PCBP3: variants seen among roughly 807,000 people sequenced by gnomAD.
PCBP3 encodes the protein poly(rC)-binding protein 3.
Under a neutral mutation model 52.7 loss-of-function variants are expected in PCBP3, and 25 were observed. That is an observed-to-expected ratio of 0.47 (90% CI 0.35 to 0.66). PCBP3 has a LOEUF of 0.66. Among genes scored for constraint, PCBP3 ranks in the 30% least tolerant of loss-of-function variants. The pLI is 0.01. For missense variants in PCBP3, 391 were observed against 490.3 expected (o/e 0.80, Z 1.91); for synonymous variants, 162 against 183.0 (o/e 0.89, Z 0.93).
chr21:45,836,027 A>C (rs1269219613), intron 4 of PCBP3, among the ~76,000 whole-genome samples: 2 of 152,140 alleles, frequency 1.3e-5, no homozygotes, highest in Non-Finnish European at 2.9e-5. Context: ...GTCCTTGATC[A>C]CCAGAGGGGC....
In PCBP3 at chr21:45,837,742, T is replaced by C. The variant is rs1336171257; in HGVS notation, c.-125-12219T>C. 1.3e-5 allele frequency among the ~76,000 whole-genome samples: 2 copies of C among 152,222 alleles called. No individual in the cohort carries two copies. The highest frequency in any genetic ancestry group is 2.4e-5 in the African/African-American group (1 of 41,464). ...GAGCTTCCTAGGTGGCACTGCACGT[T>C]GCACCGCATGGCATGATGAGGCGTG... On this transcript the variant is annotated intron_variant, in intron 4 of 17. Transcript: ENST00000681687. The surrounding 1 kb of genome is among the most constrained non-coding windows in gnomAD (Gnocchi z 4.1).
At position 45,851,175 on chromosome 21, in the gene PCBP3, GA is replaced by G. The variant is rs200294970; in HGVS notation, c.10+1083del. Among the ~76,000 whole-genome samples the G allele has an allele frequency of 8.8e-3, 1,348 of 152,334 alleles. 16 individuals are homozygous for G. Among genetic ancestry groups the G allele is most frequent in the African/African-American group, 0.03 (1,267 of 41,578 alleles). On this transcript the variant is annotated intron_variant, in intron 5 of 17. Transcript: ENST00000681687. Reference sequence around the variant, plus strand: ...AGAAAAACAGAAAATTCACAGCCCTGAAAGCTGTTTTGTGTTTTAGAGTCAA... The same window carrying G: ...AGAAAAACAGAAAATTCACAGCCCTGAAGCTGTTTTGTGTTTTAGAGTCAA...
At chr21:45,765,178 G>T (rs945717926) in intron 4 of PCBP3, among the ~76,000 whole-genome samples, 1 of 152,184 alleles carries the variant, frequency 6.6e-6, no homozygotes, top group Non-Finnish European at 1.5e-5. Flanking sequence ...AGACAGAGAG[G>T]CATGAGCAGA....
intron 9 of PCBP3, among the ~76,000 whole-genome samples, chr21:45,908,365 C>T (rs949777154): frequency 6.6e-6 from 1 of 152,210 alleles, no homozygotes; most frequent in Non-Finnish European, 1.5e-5. Flanking sequence ...CCAGAAAGAA[C>T]GCTCTGTGTG....
At chr21:45,818,647 G>C (rs1463300438) in intron 4 of PCBP3, among the ~76,000 whole-genome samples, 1 of 152,232 alleles carries the variant, frequency 6.6e-6, no homozygotes, top group Non-Finnish European at 1.5e-5. Flanking sequence ...AGATCTATTA[G>C]TCATGCTCCT....
At chr21:45,733,091 T>G (rs1027743411) in intron 2 of PCBP3, among the ~76,000 whole-genome samples, 1 of 152,240 alleles carries the variant, frequency 6.6e-6, no homozygotes, top group African/African-American at 2.4e-5. Context: ...GTCTGTACAT[T>G]GACTGATCTT....
chr21:45,864,606 T>A (rs537475270), intron 5 of PCBP3, among the ~76,000 whole-genome samples: 3 of 152,258 alleles, frequency 2.0e-5, no homozygotes, highest in South Asian at 4.1e-4. Context: ...GTTTGCAGTG[T>A]CTGTGTGGTG....
intron 4 of PCBP3, among the ~76,000 whole-genome samples, chr21:45,844,886 C>A (rs149098495): frequency 5.4e-4 from 80 of 148,980 alleles, no homozygotes; most frequent in South Asian, 2.1e-3. Context: ...AGTTTATATA[C>A]GTATATAAAG....
rs1355167751 is a variant in PCBP3 at position 45,788,149 on chromosome 21, T to A, written c.-126+32697T>A. ...TGACCATTTCTGGAGGATGCAGTAC[T>A]GAATTCAAGTAACAAGGTGTCCTGT... On this transcript the variant is annotated intron_variant, in intron 4 of 17. Transcript: ENST00000681687. The surrounding 1 kb of genome is among the most constrained non-coding windows in gnomAD (Gnocchi z 4.3). The A allele has an allele frequency of 6.6e-6, 1 of 152,306 alleles. No homozygotes were observed. The highest frequency in any genetic ancestry group is 1.5e-5 in the Non-Finnish European group (1 of 68,126). 9.4% of individuals were successfully genotyped at this position (152,306 alleles called of 1,614,324 possible).
At chr21:45,923,728 C>A (rs2074824218) in intron 13 of PCBP3, among the ~76,000 whole-genome samples, 1 of 152,234 alleles carries the variant, frequency 6.6e-6, no homozygotes, top group East Asian at 1.9e-4. Flanking sequence ...AAACCATCAA[C>A]AATTCCCAAA....
chr21:45,663,576 A>C (rs879451499), intron 1 of PCBP3, among the ~76,000 whole-genome samples: 26 of 152,146 alleles, frequency 1.7e-4, no homozygotes, highest in Non-Finnish European at 2.9e-5. Context: ...GTGAGAGATA[A>C]GGGTCTAGTT....
intron 2 of PCBP3, among the ~76,000 whole-genome samples, chr21:45,696,079 C>CAAAA (rs71185164): frequency 1.5e-4 from 6 of 39,626 alleles, no homozygotes; most frequent in African/African-American, 1.9e-4. Context: ...GACTCTGTCT[C>CAAAA]AAAAAAAAAA....
chr21:45,855,531 A>C (rs1011486186), intron 5 of PCBP3, among the ~76,000 whole-genome samples: 35 of 152,248 alleles, frequency 2.3e-4, no homozygotes, highest in Non-Finnish European at 4.4e-4. Context: ...TGGGAACCAC[A>C]TACAGAGCCC....
intron 15 of PCBP3, among the ~76,000 whole-genome samples, chr21:45,931,411 A>G (rs549054883): frequency 4.6e-5 from 7 of 152,330 alleles, no homozygotes; most frequent in African/African-American, 7.2e-5. Context: ...GGTGTCCTGT[A>G]ATGACCCTCC....
At position 45,788,464 on chromosome 21, in the gene PCBP3, G is replaced by C. The variant is rs1215562305; in HGVS notation, c.-126+33012G>C. 1.3e-5 allele frequency: 2 copies of C among 154,342 alleles called. No individual in the cohort carries two copies. Among genetic ancestry groups the C allele is most frequent in the African/African-American group, 4.8e-5 (2 of 41,484 alleles). 9.6% of individuals were successfully genotyped at this position (154,342 alleles called of 1,614,324 possible). A position where few individuals can be genotyped will look rare whatever the true frequency, so the allele number is the denominator to read the frequency against. On this transcript the variant is annotated intron_variant, in intron 4 of 17. Coordinates refer to ENST00000681687, the MANE Select transcript of PCBP3 (RefSeq NM_001384156.1). This position sits in a 1 kb window ranked among gnomAD's most constrained non-coding sequence, Gnocchi z 4.3. ...GCTCACCTGTGACCCTGCCTGCCCT[G>C]CCCAGCTTCGCCCCCATGTCTGCCT...
At chr21:45,753,988 CG>C (rs1313956297) in intron 3 of PCBP3, among the ~76,000 whole-genome samples, 1 of 152,154 alleles carries the variant, frequency 6.6e-6, no homozygotes, top group Non-Finnish European at 1.5e-5. Flanking sequence ...TAAAATGCAT[CG>C]TGGTGAGAAT....
chr21:45,728,202 G>C (rs994583140), intron 2 of PCBP3, among the ~76,000 whole-genome samples: 1 of 152,166 alleles, frequency 6.6e-6, no homozygotes, highest in African/African-American at 2.4e-5. Flanking sequence ...TTTCACCCTT[G>C]TGTATACTGC....
chr21:45,937,860 G>T (rs1311136405), intron 16 of PCBP3, among the ~76,000 whole-genome samples: 1 of 152,234 alleles, frequency 6.6e-6, no homozygotes. Context: ...CAGTATAGAA[G>T]TCACAGTGCT....
intron 11 of PCBP3, among the ~76,000 whole-genome samples, chr21:45,913,692 C>G (rs961911950): frequency 8.5e-5 from 13 of 152,186 alleles, no homozygotes; most frequent in Admixed American, 1.3e-4. Context: ...CTCAGGAGGC[C>G]GGTGTGTGGC....
Sources: gnomAD v4.1 joint callset for allele counts (sites outside exome capture counted in the v4.1 genomes callset) on GRCh38, gnomAD v4.1.1 for gene constraint, Gnocchi (gnomAD v3.1) non-coding constraint, MANE v1.5 for transcripts, NCBI Gene and HGNC (gene_info 2026-07-23, HGNC 2026-07-21) for gene names.